Variants in EFNA5 observed in about 807,000 individuals in gnomAD.
EFNA5 encodes the protein ephrin A5.
EFNA5 carries 5 observed loss-of-function variants against 22.9 expected under a neutral mutation model. That is an observed-to-expected ratio of 0.22 (90% confidence interval 0.11 to 0.46). The LOEUF (loss-of-function observed/expected upper bound fraction) is 0.46. Ranked by LOEUF, EFNA5 falls within the 20% of genes least tolerant of loss-of-function variation. The pLI, the probability that EFNA5 is intolerant of heterozygous loss-of-function variation, is 0.99. For missense variants in EFNA5, 237 were observed against 293.3 expected (o/e 0.81, Z 1.40); for synonymous variants, 113 against 112.2 (o/e 1.01, Z -0.04).
chr5:107,549,734 T>A (rs1464987663), intron 1 of EFNA5, among the ~76,000 whole-genome samples: 3 of 152,250 alleles, frequency 2.0e-5, no homozygotes, highest in African/African-American at 4.8e-5. Flanking sequence ...CGTAGGGATG[T>A]CCCTGTAAGA....
chr5:107,405,708 T>A (rs1049242488), intron 2 of EFNA5, among the ~76,000 whole-genome samples: 2 of 152,032 alleles, frequency 1.3e-5, no homozygotes, highest in Non-Finnish European at 2.9e-5. Flanking sequence ...AGTCAGATCA[T>A]GTTACTTCTG....
In EFNA5 at chr5:107,645,997, T is replaced by C. The variant is rs146262338; in HGVS notation, c.125+24492A>G. On this transcript the variant is annotated intron_variant, in intron 1 of 4. Transcript: ENST00000333274. ...CAATGGATAAGGATCTATTTACACT[T>C]CTGCTGTGAAGAATAATCATAGGTT... Among the ~76,000 whole-genome samples, 678 of 152,316 alleles carry C rather than the reference T, an allele frequency of 4.5e-3. 8 individuals are homozygous for C. The highest frequency in any genetic ancestry group is 0.016 in the African/African-American group (650 of 41,562).
intron 2 of EFNA5, among the ~76,000 whole-genome samples, chr5:107,404,270 C>T (rs1458930578): frequency 1.3e-5 from 2 of 152,214 alleles, no homozygotes; most frequent in African/African-American, 2.4e-5. Context: ...TACACATGAT[C>T]GTTTTTAGGA....
chr5:107,406,452 T>C (rs682609), intron 2 of EFNA5, among the ~76,000 whole-genome samples: 32,661 of 151,866 alleles, frequency 0.22, 4,322 homozygotes, highest in Non-Finnish European at 0.3. Flanking sequence ...CCTGGAAAAC[T>C]CTCTTGCCAA....
chr5:107,429,260 T>C (rs1561382267), intron 1 of EFNA5, among the ~76,000 whole-genome samples: 1 of 152,196 alleles, frequency 6.6e-6, no homozygotes, highest in South Asian at 2.1e-4. Context: ...CTGGCCAACA[T>C]GGCGAAACCT....
intron 1 of EFNA5, among the ~76,000 whole-genome samples, chr5:107,474,626 T>C (rs923494371): frequency 6.6e-6 from 1 of 152,210 alleles, no homozygotes; most frequent in Non-Finnish European, 1.5e-5. Context: ...CATCCTGGGA[T>C]GGCTTTATCC....
intron 1 of EFNA5, among the ~76,000 whole-genome samples, chr5:107,472,785 A>G (rs1378476961): frequency 3.9e-5 from 6 of 152,198 alleles, no homozygotes; most frequent in Admixed American, 3.9e-4. Flanking sequence ...CTCATGTGGG[A>G]GGTAAGAGAG....
At chr5:107,611,786 C>T (rs1218656838) in intron 1 of EFNA5, among the ~76,000 whole-genome samples, 3 of 152,174 alleles carry the variant, frequency 2.0e-5, no homozygotes, top group Non-Finnish European at 2.9e-5. Flanking sequence ...ATTTTTAGTA[C>T]TGAAAAGGAA....
chr5:107,571,198 G>A (rs1344921227), intron 1 of EFNA5, among the ~76,000 whole-genome samples: 1 of 152,202 alleles, frequency 6.6e-6, no homozygotes, highest in East Asian at 1.9e-4. Flanking sequence ...AGCACCTGCT[G>A]TGGGGTTTCT....
At chr5:107,540,866 C>G (rs1748031192) in intron 1 of EFNA5, among the ~76,000 whole-genome samples, 1 of 152,134 alleles carries the variant, frequency 6.6e-6, no homozygotes, top group East Asian at 1.9e-4. Context: ...GCCTGTAATC[C>G]AGCACTTTGG....
chr5:107,518,463 T>C (rs746326463), intron 1 of EFNA5, among the ~76,000 whole-genome samples: 1 of 151,870 alleles, frequency 6.6e-6, no homozygotes, highest in Admixed American at 6.6e-5. Flanking sequence ...GGGCAGCCAC[T>C]GTGGAGAACA....
chr5:107,650,457 GA>G, intron 1 of EFNA5, among the ~76,000 whole-genome samples: 1 of 152,244 alleles, frequency 6.6e-6, no homozygotes, highest in Non-Finnish European at 1.5e-5. Flanking sequence ...AAAAGGAAGG[GA>G]AACTAAGATG....
chr5:107,553,384 A>G (rs1457360974), intron 1 of EFNA5, among the ~76,000 whole-genome samples: 1 of 152,150 alleles, frequency 6.6e-6, no homozygotes, highest in Non-Finnish European at 1.5e-5. Flanking sequence ...GCCCCACTCC[A>G]CCACCGCCCC....
At chr5:107,643,573 CTG>C (rs1479560860) in intron 1 of EFNA5, among the ~76,000 whole-genome samples, 1 of 152,030 alleles carries the variant, frequency 6.6e-6, no homozygotes, top group Non-Finnish European at 1.5e-5. Flanking sequence ...AGCACCTTCA[CTG>C]TGTTTCAAGC....
At chr5:107,421,822 G>A (rs113272553) in intron 2 of EFNA5, among the ~76,000 whole-genome samples, 2,362 of 146,108 alleles carry the variant, frequency 0.016, 53 homozygotes, top group African/African-American at 0.056. Flanking sequence ...ACAGAGTTTC[G>A]CTCTTGTTGC....
chr5:107,409,998 C>A (rs796726554), intron 2 of EFNA5, among the ~76,000 whole-genome samples: 6 of 149,274 alleles, frequency 4.0e-5, no homozygotes, highest in African/African-American at 1.5e-4. Context: ...TAGGAACAGC[C>A]AGAGGAATTT....
chr5:107,538,016 G>C (rs1284004369), intron 1 of EFNA5, among the ~76,000 whole-genome samples: 1 of 152,170 alleles, frequency 6.6e-6, no homozygotes, highest in Non-Finnish European at 1.5e-5. Context: ...GGTGGGGAAG[G>C]CTATTTTATA....
rs370684302 is a variant in EFNA5, at chr5:107,445,945, CTG to C, written c.126-18438_126-18437del. Among the ~76,000 whole-genome samples, 916 of 152,270 alleles carry C rather than the reference CTG, an allele frequency of 6.0e-3. 12 individuals are homozygous for C. The highest frequency in any genetic ancestry group is 0.02 in the African/African-American group (849 of 41,538). The stretch of plus-strand genomic sequence containing the variant: ...GACTTTATAGACATCCATCTGATAA[CTG>C]AGAATAAACAACTATTTTATTGGTT... On this transcript the variant is annotated intron_variant, in intron 1 of 4. Transcript: ENST00000333274.
intron 1 of EFNA5, among the ~76,000 whole-genome samples, chr5:107,623,563 A>C (rs1750082898): frequency 6.6e-6 from 1 of 152,212 alleles, no homozygotes; most frequent in African/African-American, 2.4e-5. Flanking sequence ...TCATTAAGTG[A>C]CATTAAACAT....
Sources: allele counts gnomAD v4.1 joint callset (sites outside exome capture counted in the v4.1 genomes callset), GRCh38; gene constraint gnomAD v4.1.1; transcripts MANE v1.5; gene names NCBI Gene and HGNC (gene_info 2026-07-23, HGNC 2026-07-21).